KIRREL3: variants seen among roughly 807,000 people sequenced by gnomAD.
The protein encoded by KIRREL3 is kirre like nephrin family adhesion molecule 3.
KIRREL3 carries 36 observed loss-of-function variants against 89.7 expected under a neutral mutation model. The observed-to-expected ratio is 0.40, with a 90% confidence interval of 0.31 to 0.53. The LOEUF is 0.53. KIRREL3 is among the 20% of genes least tolerant of loss of function. The pLI is 0.49. For synonymous variants in KIRREL3, 445 were observed against 441.4 expected (o/e 1.01, Z -0.10); for missense variants, 864 against 1,056.6 (o/e 0.82, Z 2.53).
In KIRREL3 at chr11:126,764,402, G is replaced by C. The variant is rs1191002971; in HGVS notation, c.56-201490C>G. 6.6e-6 allele frequency among the ~76,000 whole-genome samples: 1 copy of C among 152,146 alleles called. No individual in the cohort carries two copies. The highest frequency in any genetic ancestry group is 1.5e-5 in the Non-Finnish European group (1 of 68,028). On this transcript the variant is annotated intron_variant, in intron 1 of 16. Transcript: ENST00000525144. The surrounding 1 kb of genome is among the most constrained non-coding windows in gnomAD (Gnocchi z 4.2). ...ATGGAAGCTACACATTTCTGTCCTA[G>C]AGATAGGTGGCAGTGTGGATTCAGG...
intron 1 of KIRREL3, among the ~76,000 whole-genome samples, chr11:126,957,461 A>G (rs929085487): frequency 2.0e-5 from 3 of 152,204 alleles, no homozygotes; most frequent in Non-Finnish European, 1.5e-5. Context: ...TTTTTATTGC[A>G]AAAGGCTTGT....
chr11:126,648,383 C>G (rs1466074254), intron 1 of KIRREL3, among the ~76,000 whole-genome samples: 1 of 152,216 alleles, frequency 6.6e-6, no homozygotes, highest in Non-Finnish European at 1.5e-5. Flanking sequence ...TTATGCAGTT[C>G]CCTCTGCCTG....
At chr11:126,753,030 G>A (rs1220037969) in intron 1 of KIRREL3, among the ~76,000 whole-genome samples, 1 of 152,156 alleles carries the variant, frequency 6.6e-6, no homozygotes, top group Non-Finnish European at 1.5e-5. Flanking sequence ...AGATCATGAT[G>A]GAGACATAAG....
At chr11:126,944,855 G>T (rs965408696) in intron 1 of KIRREL3, 3 of 152,218 alleles carry the variant, frequency 2.0e-5, no homozygotes, top group African/African-American at 7.2e-5. Flanking sequence ...ATGGGGGATT[G>T]TCAGATATTG....
At chr11:126,841,743 T>G (rs1424621910) in intron 1 of KIRREL3, among the ~76,000 whole-genome samples, 1 of 152,242 alleles carries the variant, frequency 6.6e-6, no homozygotes, top group Non-Finnish European at 1.5e-5. Context: ...AGCGTCATCT[T>G]CATCATAGTC....
At chr11:126,848,082 C>G (rs1391920285) in intron 1 of KIRREL3, among the ~76,000 whole-genome samples, 1 of 152,150 alleles carries the variant, frequency 6.6e-6, no homozygotes, top group Non-Finnish European at 1.5e-5. Context: ...TAAAGAATGT[C>G]ACTTTCTGAC....
At chr11:126,529,596 C>A in intron 2 of KIRREL3, among the ~76,000 whole-genome samples, 1 of 137,288 alleles carries the variant, frequency 7.3e-6, no homozygotes, top group African/African-American at 3.1e-5. Flanking sequence ...GAGTGAGACT[C>A]GGTCTCAAAA....
chr11:126,999,483 T>C lies in KIRREL3; in HGVS notation c.55+972A>G, dbSNP rs1304491199. On this transcript the variant is annotated intron_variant, in intron 1 of 16. Transcript: ENST00000525144. The surrounding 1 kb of genome is among the most constrained non-coding windows in gnomAD (Gnocchi z 5.7). ...ATCAACAGATGGACGTGCTCTGTTG[T>C]GGATTTTTTCTGAGTCTTGCACCTC... Among the ~76,000 whole-genome samples the C allele has an allele frequency of 6.6e-6, 1 of 152,212 alleles. No homozygotes were observed. Among genetic ancestry groups the C allele is most frequent in the Admixed American group, 6.5e-5 (1 of 15,288 alleles).
intron 1 of KIRREL3, among the ~76,000 whole-genome samples, chr11:126,925,648 T>C (rs1312618496): frequency 1.3e-5 from 2 of 152,178 alleles, no homozygotes; most frequent in East Asian, 1.9e-4. Flanking sequence ...ACTGGGTCTA[T>C]GACTGCCAGC....
At chr11:126,504,632 G>A (rs566522313) in intron 4 of KIRREL3, among the ~76,000 whole-genome samples, 1 of 152,204 alleles carries the variant, frequency 6.6e-6, no homozygotes. Flanking sequence ...AAATAGAGGA[G>A]GAATAAACAC....
At chr11:126,741,224 G>T (rs1948972476) in intron 1 of KIRREL3, among the ~76,000 whole-genome samples, 1 of 152,176 alleles carries the variant, frequency 6.6e-6, no homozygotes, top group Non-Finnish European at 1.5e-5. Context: ...TTGGAGCACA[G>T]ATCCAAGTTT....
Position 126,954,354 on chromosome 11 carries a change from C to T in KIRREL3, c.55+46101G>A, listed in dbSNP as rs376409291. On this transcript the variant is annotated intron_variant, in intron 1 of 16. Transcript: ENST00000525144. This position sits in a 1 kb window ranked among gnomAD's most constrained non-coding sequence, Gnocchi z 4.1. Reference sequence around the variant, plus strand: ...CAGACTTATTTTGTGCTATTATAGCCGATTGATTATTTATCACTTCAATGA... The same window carrying T: ...CAGACTTATTTTGTGCTATTATAGCTGATTGATTATTTATCACTTCAATGA... 9.2e-5 allele frequency among the ~76,000 whole-genome samples: 14 copies of T among 151,516 alleles called. No individual in the cohort carries two copies. Among genetic ancestry groups the T allele is most frequent in the East Asian group, 3.9e-4 (2 of 5,176 alleles).
At chr11:126,461,940 T>C (rs10750324) in intron 6 of KIRREL3, among the ~76,000 whole-genome samples, 95,427 of 151,964 alleles carry the variant, frequency 0.63, 30,387 homozygotes, top group East Asian at 0.83. Flanking sequence ...AGCAGCCACC[T>C]GCTTGCAGTA....
intron 1 of KIRREL3, among the ~76,000 whole-genome samples, chr11:126,586,994 G>A (rs1265776010): frequency 6.6e-6 from 1 of 152,132 alleles, no homozygotes; most frequent in Non-Finnish European, 1.5e-5. Context: ...ACTTACTATG[G>A]CTAAGCATGG....
intron 1 of KIRREL3, among the ~76,000 whole-genome samples, chr11:126,589,606 A>G (rs781487789): frequency 6.6e-6 from 1 of 152,228 alleles, no homozygotes; most frequent in Non-Finnish European, 1.5e-5. Context: ...ATAGTAACAC[A>G]GCTCATCACA....
At chr11:126,967,291 C>T (rs1949299435) in intron 1 of KIRREL3, among the ~76,000 whole-genome samples, 1 of 152,118 alleles carries the variant, frequency 6.6e-6, no homozygotes, top group Admixed American at 6.5e-5. Context: ...GCCCGCACAT[C>T]CCTCCAAAGA....
At chr11:126,992,945 G>T (rs1307542883) in intron 1 of KIRREL3, among the ~76,000 whole-genome samples, 3 of 152,022 alleles carry the variant, frequency 2.0e-5, no homozygotes, top group East Asian at 1.9e-4. Flanking sequence ...CATCATTCTG[G>T]CATTCATCTA....
At chr11:126,469,200 C>T (rs1451026079) in intron 5 of KIRREL3, among the ~76,000 whole-genome samples, 1 of 152,244 alleles carries the variant, frequency 6.6e-6, no homozygotes, top group African/African-American at 2.4e-5. Flanking sequence ...ATTCAGGCTG[C>T]CAGCTCCTGA....
At chr11:126,818,787 T>C (rs1453883591) in intron 1 of KIRREL3, among the ~76,000 whole-genome samples, 1 of 117,726 alleles carries the variant, frequency 8.5e-6, no homozygotes, top group Non-Finnish European at 1.7e-5. Flanking sequence ...TGGAAAGTTA[T>C]TGTAATTGTT....
Sources: gnomAD v4.1 joint callset for allele counts (sites outside exome capture counted in the v4.1 genomes callset) on GRCh38, gnomAD v4.1.1 for gene constraint, Gnocchi (gnomAD v3.1) non-coding constraint, MANE v1.5 for transcripts, NCBI Gene and HGNC (gene_info 2026-07-23, HGNC 2026-07-21) for gene names.